The following OSBPL6 variants were observed in gnomAD, a reference collection of about 807,000 sequenced individuals.
OSBPL6 encodes the protein oxysterol-binding protein-related protein 6.
Under a neutral mutation model 125.8 loss-of-function variants are expected in OSBPL6, and 49 were observed. The observed-to-expected ratio is 0.39, with a 90% CI of 0.31 to 0.49. The LOEUF is 0.49. OSBPL6 is among the 20% of genes least tolerant of loss of function. The probability of loss-of-function intolerance (pLI) is 0.88; values close to 1 mark genes in which losing one functional copy is unlikely to be tolerated. For missense variants in OSBPL6, 986 were observed against 1,135.4 expected (o/e 0.87, Z 1.89); for synonymous variants, 394 against 391.8 (o/e 1.01, Z -0.07).
intron 13 of OSBPL6, among the ~76,000 whole-genome samples, chr2:178,364,200 A>G (rs1434090): frequency 0.55 from 84,392 of 152,114 alleles, 23,791 homozygotes; most frequent in East Asian, 0.88. Flanking sequence ...TACTCTTAAG[A>G]GTAGCTGATT....
intron 24 of OSBPL6, 32 bp downstream of exon 24, chr2:178,394,467 G>C: frequency 6.3e-7 from 1 of 1,580,708 alleles, no homozygotes; most frequent in South Asian, 1.2e-5. Context: ...GCAAGTTCAT[G>C]TTTTGCAAAT....
intron 12 of OSBPL6, among the ~76,000 whole-genome samples, chr2:178,354,202 C>T (rs1361552710): frequency 1.3e-5 from 2 of 152,208 alleles, no homozygotes; most frequent in Non-Finnish European, 2.9e-5. Context: ...CACCAGCTAA[C>T]ATCATAATGA....
At chr2:178,228,416 T>C (rs1343834583) in intron 1 of OSBPL6, among the ~76,000 whole-genome samples, 4 of 152,182 alleles carry the variant, frequency 2.6e-5, no homozygotes, top group African/African-American at 7.2e-5. Context: ...GCGCCTGTAG[T>C]CTCAGCTACT....
At chr2:178,268,769 T>G (rs79246922) in intron 1 of OSBPL6, among the ~76,000 whole-genome samples, 1 of 152,072 alleles carries the variant, frequency 6.6e-6, no homozygotes, top group African/African-American at 2.4e-5. Context: ...TTTTTTTTTT[T>G]CCCAGAAAAT....
chr2:178,241,604 C>CG (rs1432228031), intron 1 of OSBPL6, among the ~76,000 whole-genome samples: 1 of 150,810 alleles, frequency 6.6e-6, no homozygotes, highest in African/African-American at 2.4e-5. Context: ...TTAGTAGAGA[C>CG]GGGGTTTCTC....
intron 1 of OSBPL6, among the ~76,000 whole-genome samples, chr2:178,197,121 A>G (rs887609563): frequency 8.5e-5 from 13 of 152,084 alleles, no homozygotes; most frequent in Non-Finnish European, 1.5e-4. Context: ...GTTAATACCA[A>G]GGAATAAAAT....
chr2:178,311,829 G>A (rs560546274), intron 3 of OSBPL6, among the ~76,000 whole-genome samples: 2 of 152,324 alleles, frequency 1.3e-5, no homozygotes, highest in Non-Finnish European at 2.9e-5. Context: ...GCTCCTGAGA[G>A]TGGACGTGTG....
At chr2:178,287,040 A>G (rs1684759161) in intron 2 of OSBPL6, among the ~76,000 whole-genome samples, 1 of 152,134 alleles carries the variant, frequency 6.6e-6, no homozygotes, top group South Asian at 2.1e-4. Context: ...TAACCATGGA[A>G]GCATTTCAAA....
At chr2:178,286,961 T>A (rs990405210) in intron 2 of OSBPL6, among the ~76,000 whole-genome samples, 2 of 17,980 alleles carry the variant, frequency 1.1e-4, no homozygotes, top group Non-Finnish European at 4.5e-4. Flanking sequence ...TGTTGCTAAA[T>A]GAAATTCATG....
chr2:178,330,142 T>G (rs1689073084), intron 5 of OSBPL6, among the ~76,000 whole-genome samples: 1 of 152,190 alleles, frequency 6.6e-6, no homozygotes, highest in African/African-American at 2.4e-5. Flanking sequence ...TTCCCCAAAT[T>G]GATGGCCTTG....
At chr2:178,256,153 T>C (rs1559168368) in intron 1 of OSBPL6, among the ~76,000 whole-genome samples, 1 of 152,146 alleles carries the variant, frequency 6.6e-6, no homozygotes, top group Non-Finnish European at 1.5e-5. Context: ...TGCAGTTCTG[T>C]GATGAATTAG....
intron 13 of OSBPL6, among the ~76,000 whole-genome samples, chr2:178,367,058 T>G (rs1385026138): frequency 6.6e-6 from 1 of 152,200 alleles, no homozygotes; most frequent in Non-Finnish European, 1.5e-5. Context: ...AGGAAATACT[T>G]GCTAATGCAA....
At chr2:178,213,164 C>G (rs2089942523) in intron 1 of OSBPL6, among the ~76,000 whole-genome samples, 1 of 152,038 alleles carries the variant, frequency 6.6e-6, no homozygotes, top group African/African-American at 2.4e-5. Context: ...CTTCTTCCAC[C>G]CACCTAAAAT....
intron 19 of OSBPL6, among the ~76,000 whole-genome samples, chr2:178,386,839 G>GT (rs35947309): frequency 0.39 from 58,496 of 151,098 alleles, 12,017 homozygotes; most frequent in East Asian, 0.61. Context: ...GATAGTGGGG[G>GT]TTTTTTTTAG....
intron 22 of OSBPL6, among the ~76,000 whole-genome samples, chr2:178,392,161 G>A (rs1575056293): frequency 2.0e-5 from 3 of 152,306 alleles, no homozygotes; most frequent in Non-Finnish European, 2.9e-5. Context: ...AGCTAATGAA[G>A]ACTACTATAT....
chr2:178,210,875 G>A (rs1407097294), intron 1 of OSBPL6, among the ~76,000 whole-genome samples: 1 of 151,402 alleles, frequency 6.6e-6, no homozygotes, highest in African/African-American at 2.4e-5. Flanking sequence ...TGGCTCAGAG[G>A]CTGGGACAAG....
At chr2:178,352,256 CAG>C (rs1205136923) in intron 12 of OSBPL6, among the ~76,000 whole-genome samples, 1 of 152,174 alleles carries the variant, frequency 6.6e-6, no homozygotes, top group Non-Finnish European at 1.5e-5. Context: ...GTGCAGCCCA[CAG>C]AGGGTGGGCC....
chr2:178,246,670 C>T (rs1319456434), intron 1 of OSBPL6, among the ~76,000 whole-genome samples: 2 of 152,068 alleles, frequency 1.3e-5, no homozygotes, highest in Non-Finnish European at 2.9e-5. Context: ...AAATAAAAAC[C>T]TTGGTGTCTT....
intron 20 of OSBPL6, 92 bp from the exon 21 acceptor site, chr2:178,388,917 A>G: frequency 7.5e-7 from 1 of 1,339,930 alleles, no homozygotes; most frequent in South Asian, 1.5e-5. Flanking sequence ...AGGGAAAAGG[A>G]AGCTTTGGCC....
Sources: allele counts gnomAD v4.1 joint callset (sites outside exome capture counted in the v4.1 genomes callset), GRCh38; gene constraint gnomAD v4.1.1; transcripts MANE v1.5; gene names NCBI Gene and HGNC (gene_info 2026-07-23, HGNC 2026-07-21).